Variants in ZFPM2 observed in about 807,000 individuals in gnomAD.
ZFPM2 encodes the protein zinc finger protein, FOG family member 2.
A neutral mutation model predicts 98.6 loss-of-function variants in ZFPM2; 20 were observed. The ratio of observed to expected loss-of-function variants is 0.20; its 90% CI spans 0.14 to 0.29. The LOEUF (loss-of-function observed/expected upper bound fraction) is 0.29, where lower values mean the gene tolerates loss of function less well. Among genes scored for constraint, ZFPM2 ranks in the 10% least tolerant of loss-of-function variants. The probability of loss-of-function intolerance (pLI) is 1.00; values close to 1 mark genes in which losing one functional copy is unlikely to be tolerated. For synonymous variants in ZFPM2, 518 were observed against 502.7 expected (o/e 1.03, Z -0.41); for missense variants, 1,310 against 1,388.6 (o/e 0.94, Z 0.90).
intron 5 of ZFPM2, among the ~76,000 whole-genome samples, chr8:105,771,362 A>G (rs1204653910): frequency 1.3e-5 from 2 of 152,136 alleles, no homozygotes; most frequent in African/African-American, 4.8e-5. Context: ...AATCTGTGAA[A>G]CAGTGAAAAG....
At chr8:105,590,004 G>A (rs1395306076) in intron 4 of ZFPM2, among the ~76,000 whole-genome samples, 2 of 152,212 alleles carry the variant, frequency 1.3e-5, no homozygotes, top group Non-Finnish European at 2.9e-5. Flanking sequence ...ACAGGTGTGA[G>A]CCACTGCTCC....
chr8:105,534,660 G>T (rs1171327234), intron 3 of ZFPM2, among the ~76,000 whole-genome samples: 1 of 152,084 alleles, frequency 6.6e-6, no homozygotes, highest in East Asian at 1.9e-4. Flanking sequence ...GCTGAGCATT[G>T]TCCCTGGTAC....
At chr8:105,735,817 C>T (rs1160286720) in intron 5 of ZFPM2, among the ~76,000 whole-genome samples, 1 of 151,910 alleles carries the variant, frequency 6.6e-6, no homozygotes, top group East Asian at 1.9e-4. Flanking sequence ...TGATTCCAAA[C>T]TGTATTTTCT....
intron 3 of ZFPM2, among the ~76,000 whole-genome samples, chr8:105,482,882 CTTCCTTCCTTCCTTCCTTCT>C (rs1480103449): frequency 1.4e-5 from 2 of 147,504 alleles, no homozygotes; most frequent in Non-Finnish European, 3.0e-5. Context: ...TCTTTCTTTC[CTTCCTTCCTTCCTTCCTTCT>C]TTCCTTCCTT....
chr8:105,354,202 A>G (rs1434311564), intron 1 of ZFPM2, among the ~76,000 whole-genome samples: 1 of 152,244 alleles, frequency 6.6e-6, no homozygotes, highest in African/African-American at 2.4e-5. Context: ...AATATGCCGT[A>G]TTGTAACAAG....
At chr8:105,581,129 G>A (rs1815587368) in intron 4 of ZFPM2, among the ~76,000 whole-genome samples, 1 of 151,884 alleles carries the variant, frequency 6.6e-6, no homozygotes, top group East Asian at 1.9e-4. Flanking sequence ...TTATATACTA[G>A]ATTTCCAGAA....
chr8:105,327,958 A>G (rs1298738980), intron 1 of ZFPM2, among the ~76,000 whole-genome samples: 1 of 151,708 alleles, frequency 6.6e-6, no homozygotes, highest in Non-Finnish European at 1.5e-5. Context: ...GTGTGTGCTG[A>G]GAAGTTCAAA....
In ZFPM2 at chr8:105,802,895, C is replaced by A; in HGVS notation, c.2813C>A (p.Thr938Asn). The A allele has an allele frequency of 6.2e-7, 1 of 1,613,778 alleles. No homozygotes were observed. Among genetic ancestry groups the A allele is most frequent in the South Asian group, 1.1e-5 (1 of 91,036 alleles). Residue 938 changes from threonine (T) to asparagine (N), a missense_variant, in exon 8 of 8, where the codon ACC becomes AAC. Transcript: ENST00000407775. ...AACTTATTTTCATCCCACCTAGCAA[C>A]CCTGCAAGGCTTGAAGGTCTTTAGT... ...NGNLFSSHLATLQGLKVFSEA... is the reference protein window; with the variant it reads ...NGNLFSSHLANLQGLKVFSEA...
intron 4 of ZFPM2, among the ~76,000 whole-genome samples, chr8:105,567,425 G>T (rs1026566237): frequency 6.6e-6 from 1 of 151,530 alleles, no homozygotes; most frequent in African/African-American, 2.4e-5. Context: ...CTCTTGGTTA[G>T]GATATAAGAT....
chr8:105,665,775 C>T (rs1258052079), intron 5 of ZFPM2, among the ~76,000 whole-genome samples: 1 of 152,036 alleles, frequency 6.6e-6, no homozygotes, highest in Non-Finnish European at 1.5e-5. Context: ...TTCATTTCCT[C>T]ATTATAAAAC....
chr8:105,778,364 A>AT (rs1300585077), intron 5 of ZFPM2, among the ~76,000 whole-genome samples: 6 of 144,366 alleles, frequency 4.2e-5, no homozygotes, highest in African/African-American at 1.4e-4. Flanking sequence ...ATCATGTGAG[A>AT]TTTTTTCTAA....
At chr8:105,446,343 T>C (rs563709600) in intron 3 of ZFPM2, among the ~76,000 whole-genome samples, 18 of 152,332 alleles carry the variant, frequency 1.2e-4, no homozygotes, top group South Asian at 4.1e-4. Flanking sequence ...CTTACTCTTA[T>C]GATGGGGAAA....
At chr8:105,542,338 T>C (rs906291466) in intron 3 of ZFPM2, among the ~76,000 whole-genome samples, 8 of 152,160 alleles carry the variant, frequency 5.3e-5, no homozygotes, top group Admixed American at 5.2e-4. Context: ...TTTGCTTCAG[T>C]TGTTGATTGT....
At chr8:105,654,240 A>G (rs1213105678) in intron 5 of ZFPM2, among the ~76,000 whole-genome samples, 2 of 151,938 alleles carry the variant, frequency 1.3e-5, no homozygotes, top group African/African-American at 4.8e-5. Flanking sequence ...AAATTTGCTG[A>G]GCCACACATT....
chr8:105,697,613 C>G (rs1811050016), intron 5 of ZFPM2, among the ~76,000 whole-genome samples: 1 of 152,104 alleles, frequency 6.6e-6, no homozygotes, highest in Non-Finnish European at 1.5e-5. Flanking sequence ...TATATTTACT[C>G]TGGTATAACT....
intron 5 of ZFPM2, among the ~76,000 whole-genome samples, chr8:105,701,714 A>T (rs1413113549): frequency 1.3e-5 from 2 of 152,208 alleles, no homozygotes; most frequent in African/African-American, 4.8e-5. Flanking sequence ...TGTGAATATT[A>T]CCTGAAAATA....
intron 2 of ZFPM2, among the ~76,000 whole-genome samples, chr8:105,429,036 AC>A (rs932714120): frequency 6.6e-6 from 1 of 152,212 alleles, no homozygotes; most frequent in African/African-American, 2.4e-5. Flanking sequence ...TATTTTTCTG[AC>A]AGAAAGGAAG....
intron 3 of ZFPM2, among the ~76,000 whole-genome samples, chr8:105,462,560 A>G (rs1812721967): frequency 6.6e-6 from 1 of 152,116 alleles, no homozygotes; most frequent in South Asian, 2.1e-4. Context: ...ATTTGCACAA[A>G]TTACTTAATA....
chr8:105,534,596 A>T (rs1814410814), intron 3 of ZFPM2, among the ~76,000 whole-genome samples: 1 of 152,064 alleles, frequency 6.6e-6, no homozygotes, highest in Non-Finnish European at 1.5e-5. Flanking sequence ...AAGCTTATAA[A>T]GATTAATAGG....
Sources: gnomAD v4.1 joint callset for allele counts (sites outside exome capture counted in the v4.1 genomes callset) on GRCh38, gnomAD v4.1.1 for gene constraint, MANE v1.5 for transcripts, NCBI Gene and HGNC (gene_info 2026-07-23, HGNC 2026-07-21) for gene names.